The following CTNND2 variants were observed in gnomAD, a reference collection of about 807,000 sequenced individuals.
CTNND2 encodes the protein catenin delta-2.
Under a neutral mutation model 144.4 loss-of-function variants are expected in CTNND2, and 22 were observed. The observed-to-expected ratio is 0.15, with a 90% CI of 0.11 to 0.22. CTNND2 has a LOEUF of 0.22. Ranked by LOEUF, CTNND2 falls within the 10% of genes least tolerant of loss-of-function variation. The pLI, the probability that CTNND2 is intolerant of heterozygous loss-of-function variation, is 1.00. For missense variants in CTNND2, 1,353 were observed against 1,618.8 expected (o/e 0.84, Z 2.82); for synonymous variants, 751 against 695.6 (o/e 1.08, Z -1.25).
At chr5:11,758,107 T>C (rs929216485) in intron 1 of CTNND2, among the ~76,000 whole-genome samples, 9 of 151,964 alleles carry the variant, frequency 5.9e-5, no homozygotes, top group Admixed American at 5.9e-4. Flanking sequence ...GGAAGTTGTT[T>C]TTATAATTTT....
At chr5:11,552,275 G>A (rs2727586) in intron 3 of CTNND2, among the ~76,000 whole-genome samples, 3 of 152,032 alleles carry the variant, frequency 2.0e-5, no homozygotes. Flanking sequence ...CTTAGCTTTA[G>A]CTCAAGTTTT....
rs948398285 is a variant in CTNND2, at chr5:11,009,603, A to C, written c.3084+8371T>G. Among the ~76,000 whole-genome samples, 24 of 152,320 alleles carry C rather than the reference A, an allele frequency of 1.6e-4. No individual in the cohort carries two copies. In the East Asian group the frequency reaches 3.1e-3, roughly 20 times the overall value. Reference sequence around the variant, plus strand: ...AACTTACTGAGTTTACTAGCTCCTGATCTGGTCCTTTGATTCTGCCTTTTG... The same window carrying C: ...AACTTACTGAGTTTACTAGCTCCTGCTCTGGTCCTTTGATTCTGCCTTTTG... On this transcript the variant is annotated intron_variant, in intron 18 of 21. Coordinates refer to ENST00000304623, the MANE Select transcript of CTNND2 (RefSeq NM_001332.4).
chr5:11,705,498 A>G (rs1785650590), intron 2 of CTNND2, among the ~76,000 whole-genome samples: 2 of 152,248 alleles, frequency 1.3e-5, no homozygotes, highest in Admixed American at 1.3e-4. Flanking sequence ...TATAAATAAA[A>G]TAATACCTGG....
intron 9 of CTNND2, among the ~76,000 whole-genome samples, chr5:11,296,950 T>A (rs1052033251): frequency 6.6e-6 from 1 of 152,214 alleles, no homozygotes; most frequent in Non-Finnish European, 1.5e-5. Context: ...AACCTGCACG[T>A]TGTGCACATG....
chr5:11,676,534 C>T (rs1403001654), intron 2 of CTNND2, among the ~76,000 whole-genome samples: 1 of 150,130 alleles, frequency 6.7e-6, no homozygotes, highest in African/African-American at 2.5e-5. Context: ...AGTTTAAGAA[C>T]AGCACTTAGC....
intron 18 of CTNND2, among the ~76,000 whole-genome samples, chr5:11,011,469 G>T (rs4702783): frequency 6.6e-6 from 1 of 151,684 alleles, no homozygotes; most frequent in Non-Finnish European, 1.5e-5. Flanking sequence ...CGCCTATCTC[G>T]GCCTCCCAAA....
intron 7 of CTNND2, among the ~76,000 whole-genome samples, chr5:11,380,711 T>C (rs1758398317): frequency 6.6e-6 from 1 of 152,206 alleles, no homozygotes; most frequent in Admixed American, 6.5e-5. Flanking sequence ...CTCTGACGTT[T>C]GTGGTCAGAT....
chr5:11,593,692 C>G (rs1248440596), intron 2 of CTNND2, among the ~76,000 whole-genome samples: 1 of 152,210 alleles, frequency 6.6e-6, no homozygotes, highest in Admixed American at 6.5e-5. Context: ...TTTGTTCCTC[C>G]TTCACTTTCC....
At chr5:11,398,800 A>T (rs1760372425) in intron 5 of CTNND2, among the ~76,000 whole-genome samples, 1 of 152,188 alleles carries the variant, frequency 6.6e-6, no homozygotes, top group African/African-American at 2.4e-5. Flanking sequence ...TCAATCACTG[A>T]ATATAAGGAA....
rs536513205 is a variant in CTNND2 at position 11,322,814 on chromosome 5, C to A, written c.1628+23558G>T. On this transcript the variant is annotated intron_variant, in intron 9 of 21. Transcript: ENST00000304623. ...ATGCATGTATTTTTTTAAATAAATA[C>A]ATTTAAAGAGATTGTATGTATACTT... Among the ~76,000 whole-genome samples the A allele has an allele frequency of 8.5e-5, 13 of 152,150 alleles. No individual in the cohort carries two copies. The South Asian group carries it at 2.7e-3, about 32-fold the overall frequency.
chr5:11,144,978 T>C (rs1757108201), intron 12 of CTNND2, among the ~76,000 whole-genome samples: 1 of 152,002 alleles, frequency 6.6e-6, no homozygotes, highest in Non-Finnish European at 1.5e-5. Context: ...CCAGCAGCCA[T>C]CCGTTTCTGA....
chr5:11,197,364 C>T (rs746466390), intron 11 of CTNND2, among the ~76,000 whole-genome samples: 19 of 152,204 alleles, frequency 1.2e-4, no homozygotes, highest in Admixed American at 2.0e-4. Context: ...GTGGCTATCA[C>T]GGCAAAAGAC....
chr5:11,480,644 A>ATGTGTG (rs112150074), intron 3 of CTNND2, among the ~76,000 whole-genome samples: 3,893 of 138,066 alleles, frequency 0.028, 79 homozygotes, highest in African/African-American at 0.06. Context: ...GAAAATACAT[A>ATGTGTG]TATGTGTGTG....
At chr5:11,348,672 A>ATTAGCCGGGCGTGGTGGCGCGCGCCTGTG in intron 8 of CTNND2, among the ~76,000 whole-genome samples, 1 of 152,210 alleles carries the variant, frequency 6.6e-6, no homozygotes, top group East Asian at 1.9e-4. Flanking sequence ...CTTTTTGTTA[A>ATTAGCCGGGCGTGGTGGCGCGCGCCTGTG]GAAAACAACA....
At chr5:11,496,712 A>G (rs142669966) in intron 3 of CTNND2, among the ~76,000 whole-genome samples, 164 of 152,312 alleles carry the variant, frequency 1.1e-3, no homozygotes, top group African/African-American at 3.6e-3. Flanking sequence ...CTATTGATGC[A>G]TTATATTCCT....
chr5:11,032,977 C>T (rs1364411442), intron 16 of CTNND2, among the ~76,000 whole-genome samples: 1 of 152,166 alleles, frequency 6.6e-6, no homozygotes, highest in Non-Finnish European at 1.5e-5. Flanking sequence ...ACACTGTACA[C>T]ATATACTGCA....
At chr5:11,258,210 T>G (rs1322409996) in intron 9 of CTNND2, among the ~76,000 whole-genome samples, 1 of 152,122 alleles carries the variant, frequency 6.6e-6, no homozygotes, top group African/African-American at 2.4e-5. Context: ...AACCAACATA[T>G]GCTGCATCTT....
intron 2 of CTNND2, among the ~76,000 whole-genome samples, chr5:11,676,349 G>C (rs78690527): frequency 0.022 from 3,316 of 152,056 alleles, 41 homozygotes; most frequent in East Asian, 0.056. Context: ...TTAGCATCCT[G>C]GTAGTGATTT....
intron 1 of CTNND2, among the ~76,000 whole-genome samples, chr5:11,780,509 G>A (rs1790489490): frequency 1.3e-5 from 2 of 152,172 alleles, no homozygotes; most frequent in Non-Finnish European, 2.9e-5. Flanking sequence ...CTCACCTGGA[G>A]AGTGCAGAGG....
Sources: gnomAD v4.1 joint callset for allele counts (sites outside exome capture counted in the v4.1 genomes callset) on GRCh38, gnomAD v4.1.1 for gene constraint, MANE v1.5 for transcripts, NCBI Gene and HGNC (gene_info 2026-07-23, HGNC 2026-07-21) for gene names.